The following CNTNAP2 variants were observed in gnomAD, a reference collection of about 807,000 sequenced individuals.
CNTNAP2 encodes contactin-associated protein-like 2.
A neutral mutation model predicts 155.2 loss-of-function variants in CNTNAP2; 98 were observed. The observed-to-expected ratio is 0.63, with a 90% CI of 0.54 to 0.75. CNTNAP2 has a LOEUF of 0.75. Among genes scored for constraint, CNTNAP2 ranks in the 30% least tolerant of loss-of-function variants. The pLI is 0.00. For missense variants in CNTNAP2, 1,727 were observed against 1,688.1 expected, an observed-to-expected ratio of 1.02 and a Z score of -0.40; for synonymous variants, 651 against 631.2, an observed-to-expected ratio of 1.03 and a Z score of -0.47.
intron 22 of CNTNAP2, among the ~76,000 whole-genome samples, chr7:148,405,096 G>A (rs1470492745): frequency 6.6e-6 from 1 of 152,082 alleles, no homozygotes; most frequent in African/African-American, 2.4e-5. Flanking sequence ...TCAGGTTTGT[G>A]TGTGGAACCC....
intron 5 of CNTNAP2, among the ~76,000 whole-genome samples, chr7:147,117,642 A>G (rs901498684): frequency 6.6e-6 from 1 of 152,110 alleles, no homozygotes. Context: ...ATTCTAGGCT[A>G]TTTGATTTAT....
intron 1 of CNTNAP2, among the ~76,000 whole-genome samples, chr7:146,560,372 T>C (rs1255308948): frequency 1.3e-5 from 2 of 152,074 alleles, no homozygotes; most frequent in East Asian, 3.8e-4. Context: ...TTTATATACA[T>C]ATATATGTGT....
chr7:147,639,386 G>T, intron 13 of CNTNAP2, 80 bp downstream of exon 13: 4 of 1,338,144 alleles, frequency 3.0e-6, no homozygotes, highest in Non-Finnish European at 4.2e-6. Flanking sequence ...AACAGGTGTG[G>T]TTCATTATCT....
chr7:147,687,963 G>A (rs1410690866), intron 13 of CNTNAP2, among the ~76,000 whole-genome samples: 3 of 152,090 alleles, frequency 2.0e-5, no homozygotes, highest in Non-Finnish European at 4.4e-5. Context: ...ATTTTGCAAG[G>A]AGGACCTTCT....
At chr7:147,479,079 T>C (rs1048114261) in intron 10 of CNTNAP2, among the ~76,000 whole-genome samples, 2 of 152,212 alleles carry the variant, frequency 1.3e-5, no homozygotes, top group South Asian at 4.1e-4. Flanking sequence ...CTTTCTTCTC[T>C]AGCTAAACTC....
chr7:146,760,274 ATTC>A (rs1802069328), intron 1 of CNTNAP2, among the ~76,000 whole-genome samples: 3 of 152,144 alleles, frequency 2.0e-5, no homozygotes, highest in African/African-American at 7.2e-5. Context: ...AATTTTTGTC[ATTC>A]TTCTTCCTAT....
intron 10 of CNTNAP2, among the ~76,000 whole-genome samples, chr7:147,431,050 CAAAA>C (rs34150647): frequency 1.6e-5 from 2 of 124,044 alleles, no homozygotes; most frequent in Non-Finnish European, 1.7e-5. Flanking sequence ...GACTCCATCT[CAAAA>C]AAAAAAAAAA....
chr7:147,213,224 C>A (rs1803195666), intron 8 of CNTNAP2, among the ~76,000 whole-genome samples: 1 of 152,100 alleles, frequency 6.6e-6, no homozygotes, highest in Non-Finnish European at 1.5e-5. Flanking sequence ...GGAGGGATGT[C>A]CCAACTCAAA....
intron 15 of CNTNAP2, among the ~76,000 whole-genome samples, chr7:148,021,888 A>T (rs1802285375): frequency 1.3e-5 from 2 of 152,162 alleles, no homozygotes; most frequent in African/African-American, 4.8e-5. Flanking sequence ...GACACGGTAT[A>T]CCTGCTCCAC....
At chr7:147,544,737 C>T (rs1799700925) in intron 11 of CNTNAP2, among the ~76,000 whole-genome samples, 1 of 151,926 alleles carries the variant, frequency 6.6e-6, no homozygotes, top group Admixed American at 6.6e-5. Context: ...TGGTGGGAGA[C>T]AATTGAATCA....
At chr7:146,711,240 T>C (rs1801065238) in intron 1 of CNTNAP2, among the ~76,000 whole-genome samples, 1 of 146,956 alleles carries the variant, frequency 6.8e-6, no homozygotes, top group Non-Finnish European at 1.5e-5. Flanking sequence ...TACATATACA[T>C]ATATATTTTA....
At position 147,941,611 on chromosome 7, in the gene CNTNAP2, C is replaced by G. The variant is rs143113900; in HGVS notation, c.2256-36251C>G. ...GGTACACAAACATGTCGATTCTCTT[C>G]CAGAGTTCTTACTCGCTCAATTGCC... On this transcript the variant is annotated intron_variant, in intron 14 of 23. Transcript: ENST00000361727. Among the ~76,000 whole-genome samples, 1,153 of 152,296 alleles carry G rather than the reference C, an allele frequency of 7.6e-3. 22 individuals carry two copies. Among genetic ancestry groups the G allele is most frequent in the African/African-American group, 0.026 (1,088 of 41,562 alleles).
chr7:147,911,368 G>A (rs1800064754), intron 14 of CNTNAP2, among the ~76,000 whole-genome samples: 2 of 152,124 alleles, frequency 1.3e-5, no homozygotes, highest in Admixed American at 6.6e-5. Context: ...TCATTTGATT[G>A]GTTACAGTTT....
At chr7:147,100,860 C>T (rs995605278) in intron 4 of CNTNAP2, among the ~76,000 whole-genome samples, 16 of 152,134 alleles carry the variant, frequency 1.1e-4, no homozygotes, top group African/African-American at 2.9e-4. Context: ...AGAAGAGCTT[C>T]AAGTCCACAG....
chr7:146,639,030 G>A (rs2129160723), intron 1 of CNTNAP2, among the ~76,000 whole-genome samples: 1 of 152,116 alleles, frequency 6.6e-6, no homozygotes, highest in South Asian at 2.1e-4. Flanking sequence ...AAATAGAAAA[G>A]GTACAGTAAA....
intron 1 of CNTNAP2, among the ~76,000 whole-genome samples, chr7:146,663,115 T>A (rs1398876601): frequency 8.6e-5 from 13 of 151,706 alleles, no homozygotes; most frequent in Admixed American, 2.6e-4. Flanking sequence ...CCATCTTTAA[T>A]AAAAATACAA....
At chr7:147,774,098 CCTGCCACAGTAGTTAATAATGCCCTTTT>C (rs1333578689) in intron 13 of CNTNAP2, among the ~76,000 whole-genome samples, 1 of 152,122 alleles carries the variant, frequency 6.6e-6, no homozygotes, top group African/African-American at 2.4e-5. Flanking sequence ...TTCGACTCCT[CCTGCCACAGTAGTTAATAATGCCCTTTT>C]CTGCTTTATT....
intron 21 of CNTNAP2, among the ~76,000 whole-genome samples, chr7:148,381,214 C>A (rs889402118): frequency 2.0e-5 from 3 of 152,224 alleles, no homozygotes; most frequent in African/African-American, 7.2e-5. Flanking sequence ...CCCCAGACAG[C>A]CTAAGTATCA....
intron 14 of CNTNAP2, among the ~76,000 whole-genome samples, chr7:147,927,471 G>A (rs1209610268): frequency 1.3e-5 from 2 of 152,064 alleles, no homozygotes; most frequent in Non-Finnish European, 2.9e-5. Context: ...AGTTTCAAAT[G>A]GATTGTCAAG....
Sources: allele counts gnomAD v4.1 joint callset (sites outside exome capture counted in the v4.1 genomes callset), GRCh38; gene constraint gnomAD v4.1.1; transcripts MANE v1.5; gene names NCBI Gene and HGNC (gene_info 2026-07-23, HGNC 2026-07-21).